The following CDH13 variants were observed in gnomAD, a reference collection of about 807,000 sequenced individuals.
CDH13 encodes the protein cadherin 13.
In CDH13, 24 loss-of-function variants were observed where a neutral mutation model predicts 63.8. That is an observed-to-expected ratio of 0.38 (90% CI 0.27 to 0.53). The LOEUF (loss-of-function observed/expected upper bound fraction) is 0.53, where lower values mean the gene tolerates loss of function less well. Ranked by LOEUF, CDH13 falls within the 20% of genes least tolerant of loss-of-function variation. The probability of loss-of-function intolerance (pLI) is 0.85; values close to 1 mark genes in which losing one functional copy is unlikely to be tolerated. For missense variants in CDH13, 1,049 were observed against 903.1 expected (o/e 1.16, Z -2.07); for synonymous variants, 503 against 355.3 (o/e 1.42, Z -4.67).
intron 2 of CDH13, among the ~76,000 whole-genome samples, chr16:82,996,544 T>C (rs965241697): frequency 5.9e-5 from 9 of 152,222 alleles, no homozygotes; most frequent in Admixed American, 5.9e-4. Flanking sequence ...AGTCAGGTGA[T>C]ACATTGAAAT....
At chr16:83,505,692 C>T (rs1444745703) in intron 7 of CDH13, among the ~76,000 whole-genome samples, 4 of 151,748 alleles carry the variant, frequency 2.6e-5, no homozygotes, top group East Asian at 3.9e-4. Context: ...TACAGGCATG[C>T]GCCTCCACGC....
chr16:83,033,645 C>G (rs1916585664), intron 3 of CDH13, among the ~76,000 whole-genome samples: 1 of 152,142 alleles, frequency 6.6e-6, no homozygotes, highest in South Asian at 2.1e-4. Flanking sequence ...CATGCAGATC[C>G]CTGCACTCCC....
At chr16:83,430,530 T>C (rs2072065924) in intron 6 of CDH13, among the ~76,000 whole-genome samples, 1 of 152,262 alleles carries the variant, frequency 6.6e-6, no homozygotes, top group Non-Finnish European at 1.5e-5. Context: ...AATGTGATTT[T>C]ATCAAACCTT....
chr16:83,507,277 C>T (rs1421536589), intron 7 of CDH13, among the ~76,000 whole-genome samples: 2 of 152,176 alleles, frequency 1.3e-5, no homozygotes, highest in Non-Finnish European at 2.9e-5. Flanking sequence ...CGATTCTAGG[C>T]TTCTTGAGAA....
At chr16:83,188,486 G>A (rs2038595107) in intron 4 of CDH13, among the ~76,000 whole-genome samples, 1 of 152,162 alleles carries the variant, frequency 6.6e-6, no homozygotes, top group Non-Finnish European at 1.5e-5. Flanking sequence ...GTTTTGTAAA[G>A]AAGCCAGCCT....
intron 11 of CDH13, among the ~76,000 whole-genome samples, chr16:83,778,696 C>T (rs1349347486): frequency 1.3e-5 from 2 of 152,074 alleles, no homozygotes; most frequent in African/African-American, 4.8e-5. Context: ...GCTTCTATGC[C>T]CCTGTAGCCA....
At chr16:83,109,468 T>C (rs1245149170) in intron 3 of CDH13, among the ~76,000 whole-genome samples, 3 of 152,180 alleles carry the variant, frequency 2.0e-5, no homozygotes, top group Non-Finnish European at 4.4e-5. Context: ...TCATGTATCA[T>C]TTATGGTGAC....
chr16:83,495,193 C>A (rs1178702989), intron 7 of CDH13, among the ~76,000 whole-genome samples: 1 of 152,078 alleles, frequency 6.6e-6, no homozygotes, highest in Non-Finnish European at 1.5e-5. Flanking sequence ...GGTCGGGCCA[C>A]AAATAAGTTT....
rs142659265 is a variant in CDH13, at chr16:83,231,905, C to T, written c.636+14408C>T. 3.7e-3 allele frequency among the ~76,000 whole-genome samples: 561 copies of T among 152,174 alleles called. 5 individuals carry two copies. The highest frequency in any genetic ancestry group is 0.013 in the African/African-American group (535 of 41,504). On this transcript the variant is annotated intron_variant, in intron 5 of 13. Transcript: ENST00000567109. ...GGTTCAGTGTCATCCCCTTGGCGAC[C>T]GAGTTCTTGCTCAGCTATTTCACAT...
intron 10 of CDH13, among the ~76,000 whole-genome samples, chr16:83,745,383 G>A (rs1026895218): frequency 5.9e-5 from 9 of 152,098 alleles, no homozygotes; most frequent in Admixed American, 4.6e-4. Flanking sequence ...AACCCAGACC[G>A]CCTCTGTGTG....
chr16:83,096,897 T>A (rs1239445130), intron 3 of CDH13, among the ~76,000 whole-genome samples: 1 of 152,196 alleles, frequency 6.6e-6, no homozygotes, highest in African/African-American at 2.4e-5. Flanking sequence ...CCTTTGAAAG[T>A]TAGGGTCATG....
chr16:82,855,845 G>T (rs999596067), intron 1 of CDH13, among the ~76,000 whole-genome samples: 3 of 152,142 alleles, frequency 2.0e-5, no homozygotes. Flanking sequence ...CCCTTCTTTG[G>T]GGTTCAGTGC....
intron 1 of CDH13, among the ~76,000 whole-genome samples, chr16:82,767,261 C>T (rs1462798603): frequency 1.3e-5 from 2 of 152,212 alleles, no homozygotes; most frequent in African/African-American, 4.8e-5. Context: ...TGCAGAATTA[C>T]TGCAGAAAGT....
chr16:83,177,074 C>T (rs2038159413), intron 4 of CDH13, among the ~76,000 whole-genome samples: 1 of 152,154 alleles, frequency 6.6e-6, no homozygotes, highest in African/African-American at 2.4e-5. Context: ...CCACATCTGG[C>T]TGCTGAGGAC....
At chr16:83,026,439 G>A (rs141560361) in intron 2 of CDH13, among the ~76,000 whole-genome samples, 1 of 152,296 alleles carries the variant, frequency 6.6e-6, no homozygotes, top group South Asian at 2.1e-4. Flanking sequence ...TTTATAGACT[G>A]TGCATTCTCA....
At chr16:82,801,663 G>A (rs985833024) in intron 1 of CDH13, among the ~76,000 whole-genome samples, 3 of 152,198 alleles carry the variant, frequency 2.0e-5, no homozygotes, top group Non-Finnish European at 4.4e-5. Context: ...CCGTAGACAG[G>A]AACCTGGAAA....
intron 11 of CDH13, among the ~76,000 whole-genome samples, chr16:83,757,508 G>A (rs1297561801): frequency 1.3e-5 from 2 of 152,162 alleles, no homozygotes; most frequent in African/African-American, 4.8e-5. Flanking sequence ...AACCCAGGAG[G>A]CGGAGGTTGC....
chr16:82,959,646 G>T (rs1476674522), intron 2 of CDH13, among the ~76,000 whole-genome samples: 1 of 152,138 alleles, frequency 6.6e-6, no homozygotes, highest in Non-Finnish European at 1.5e-5. Flanking sequence ...GTTCACCTGG[G>T]TAAGTGAGAA....
chr16:82,812,853 C>G (rs1482478859), intron 1 of CDH13, among the ~76,000 whole-genome samples: 1 of 136,606 alleles, frequency 7.3e-6, no homozygotes, highest in Non-Finnish European at 1.6e-5. Context: ...CTTCTTTCCT[C>G]CCTTCTTTCC....
Sources: allele counts gnomAD v4.1 joint callset (sites outside exome capture counted in the v4.1 genomes callset), GRCh38; gene constraint gnomAD v4.1.1; transcripts MANE v1.5; gene names NCBI Gene and HGNC (gene_info 2026-07-23, HGNC 2026-07-21).